Variants in TULP4 observed in about 807,000 individuals in gnomAD.
TULP4 encodes tubby-related protein 4.
A neutral mutation model predicts 129.0 loss-of-function variants in TULP4; 16 were observed. The observed-to-expected ratio is 0.12, with a 90% CI of 0.08 to 0.19. The LOEUF is 0.19. TULP4 is among the 10% of genes least tolerant of loss of function. The pLI is 1.00. For synonymous variants in TULP4, 998 were observed against 854.0 expected (o/e 1.17, Z -2.94); for missense variants, 1,842 against 2,059.1 (o/e 0.89, Z 2.04).
At chr6:158,469,709 T>C (rs1020415477) in intron 6 of TULP4, among the ~76,000 whole-genome samples, 10 of 151,758 alleles carry the variant, frequency 6.6e-5, no homozygotes, top group African/African-American at 9.7e-5. Context: ...GAGGCCATAG[T>C]TGGAGAAATG....
At chr6:158,254,923 T>G (rs970534345) in intron 1 of TULP4, among the ~76,000 whole-genome samples, 3 of 152,130 alleles carry the variant, frequency 2.0e-5, no homozygotes, top group Admixed American at 1.3e-4. Flanking sequence ...AGTACAAAAA[T>G]TAACTGGGCA....
At chr6:158,235,239 C>T (rs936811386) in intron 1 of TULP4, among the ~76,000 whole-genome samples, 4 of 152,170 alleles carry the variant, frequency 2.6e-5, no homozygotes, top group Non-Finnish European at 5.9e-5. Flanking sequence ...AGTATATTCA[C>T]GTTGTCATGC....
intron 5 of TULP4, among the ~76,000 whole-genome samples, chr6:158,460,648 A>G (rs1162635207): frequency 2.0e-5 from 3 of 152,176 alleles, no homozygotes; most frequent in Non-Finnish European, 2.9e-5. Context: ...CAGCAGGGGT[A>G]TTTATTTTCT....
chr6:158,346,322 C>T (rs2114772240), intron 1 of TULP4, among the ~76,000 whole-genome samples: 1 of 152,302 alleles, frequency 6.6e-6, no homozygotes, highest in South Asian at 2.1e-4. Context: ...TGATAAATGT[C>T]CATGAAGTCT....
rs150635572 is a variant in TULP4 at position 158,294,368 on chromosome 6, A to T, written n.116+11990A>T. ...ACAGAGCAAGACTCCATCTCAAAAA[A>T]AAAAATAAAAAAAAAAATAAATAAA... is the stretch of plus-strand genomic sequence containing the variant. On this transcript the variant is annotated intron_variant and non_coding_transcript_variant, in intron 1 of 1. Coordinates refer to the TULP4 transcript ENST00000432358. Among the ~76,000 whole-genome samples the T allele has an allele frequency of 2.9e-3, 440 of 152,118 alleles. 3 individuals are homozygous for T. Among genetic ancestry groups the T allele is most frequent in the African/African-American group, 8.9e-3 (370 of 41,510 alleles).
intron 1 of TULP4, among the ~76,000 whole-genome samples, chr6:158,261,762 G>C (rs1015922013): frequency 1.3e-4 from 20 of 152,114 alleles, no homozygotes; most frequent in African/African-American, 4.6e-4. Context: ...CTGCTGATCA[G>C]GGTTCCAGGA....
chr6:158,305,764 C>T (rs536782791), intron 1 of TULP4, among the ~76,000 whole-genome samples: 155 of 151,704 alleles, frequency 1.0e-3, no homozygotes, highest in African/African-American at 3.5e-3. Flanking sequence ...TGAATCATGC[C>T]GCCATGAACA....
Position 158,492,082 on chromosome 6 carries a change from A to T in TULP4, c.1632-1491A>T, listed in dbSNP as rs563468586. On this transcript the variant is annotated intron_variant, in intron 9 of 13. Transcript: ENST00000367097. The stretch of plus-strand genomic sequence containing the variant: ...ACCATATTGGCCAGGATGGTCTCAA[A>T]CTCCTGACCTTGTGATCCGCCCGCC... 4.7e-5 allele frequency among the ~76,000 whole-genome samples: 7 copies of T among 149,044 alleles called. No homozygotes were observed. The South Asian group carries it at 1.1e-3, about 23-fold the overall frequency.
intron 8 of TULP4, among the ~76,000 whole-genome samples, chr6:158,487,863 T>G (rs145523317): frequency 1.5e-4 from 23 of 152,162 alleles, no homozygotes; most frequent in African/African-American, 5.3e-4. Flanking sequence ...CAGAAAGTAT[T>G]TATCAAGTCT....
chr6:158,307,963 C>T (rs187315135), upstream of TULP4, among the ~76,000 whole-genome samples: 1 of 151,774 alleles, frequency 6.6e-6, no homozygotes, highest in East Asian at 1.9e-4. Flanking sequence ...TCGCAAACAT[C>T]TAAATTTAAC....
At chr6:158,348,896 A>G (rs1780391279) in intron 1 of TULP4, among the ~76,000 whole-genome samples, 2 of 117,388 alleles carry the variant, frequency 1.7e-5, no homozygotes, top group Non-Finnish European at 3.4e-5. Flanking sequence ...GGCGCTCCTC[A>G]CCTCCCAGAC....
At chr6:158,409,241 T>G (rs1190914714) in intron 1 of TULP4, among the ~76,000 whole-genome samples, 1 of 151,588 alleles carries the variant, frequency 6.6e-6, no homozygotes, top group East Asian at 1.9e-4. Flanking sequence ...GTGTAGATTT[T>G]CCTGCCTTTA....
At chr6:158,277,613 TC>T (rs962853311), upstream of TULP4, among the ~76,000 whole-genome samples, 12 of 152,190 alleles carry the variant, frequency 7.9e-5, no homozygotes, top group African/African-American at 2.9e-4. Context: ...CATCCCTCCC[TC>T]CTGCTCAGTG....
At chr6:158,262,448 G>A (rs752988211) in intron 1 of TULP4, among the ~76,000 whole-genome samples, 2 of 152,146 alleles carry the variant, frequency 1.3e-5, no homozygotes, top group Non-Finnish European at 2.9e-5. Flanking sequence ...CTCAGGGGTC[G>A]TATTCTTCAC....
rs534564022 is a variant in TULP4 at position 158,254,608 on chromosome 6, C to A, written n.68+22305C>A. On this transcript the variant is annotated intron_variant and non_coding_transcript_variant, in intron 1 of 1. Coordinates refer to the TULP4 transcript ENST00000620026. Reference sequence around the variant, plus strand: ...TTACTTATGTTTAACCCCTAGTTTACAAAGTATTTTTCCACATATGCCATT... The same window carrying A: ...TTACTTATGTTTAACCCCTAGTTTAAAAAGTATTTTTCCACATATGCCATT... Among the ~76,000 whole-genome samples, 4 of 152,318 alleles carry A rather than the reference C, an allele frequency of 2.6e-5. No individual in the cohort carries two copies. In the South Asian group the frequency reaches 6.2e-4, roughly 24 times the overall value.
At chr6:158,356,786 CAG>C (rs900705584) in intron 1 of TULP4, among the ~76,000 whole-genome samples, 4 of 151,324 alleles carry the variant, frequency 2.6e-5, no homozygotes, top group African/African-American at 9.8e-5. Flanking sequence ...GGTGATGAAA[CAG>C]AGGGGACCTG....
rs749857265 is a variant in TULP4, at chr6:158,494,858, G to A, written c.1870+12G>A. On this transcript the variant is annotated intron_variant, in intron 11 of 13. Transcript: ENST00000367097. ...CAACCTCGGTGCAGGTAAAAATCAT[G>A]TCCTCTTCTCTCATTGTCCCAGTTG... 6.2e-7 allele frequency: 1 copy of A among 1,611,854 alleles called. No individual in the cohort carries two copies. The highest frequency in any genetic ancestry group is 1.3e-5 in the African/African-American group (1 of 74,852).
At chr6:158,444,910 C>T (rs543893435) in intron 3 of TULP4, among the ~76,000 whole-genome samples, 4 of 152,300 alleles carry the variant, frequency 2.6e-5, no homozygotes, top group African/African-American at 7.2e-5. Flanking sequence ...CTCCTGGGCT[C>T]CAGTGATCCT....
At chr6:158,355,174 C>T (rs953604073) in intron 1 of TULP4, among the ~76,000 whole-genome samples, 2 of 151,954 alleles carry the variant, frequency 1.3e-5, no homozygotes, top group African/African-American at 4.8e-5. Context: ...TGGGCCCAAG[C>T]AATCATCCCG....
Sources: gnomAD v4.1 joint callset for allele counts (sites outside exome capture counted in the v4.1 genomes callset) on GRCh38, gnomAD v4.1.1 for gene constraint, MANE v1.5 for transcripts, NCBI Gene and HGNC (gene_info 2026-07-23, HGNC 2026-07-21) for gene names.